The following CDH4 variants were observed in gnomAD, a reference collection of about 807,000 sequenced individuals.
CDH4 encodes cadherin-4.
In CDH4, 33 loss-of-function variants were observed where a neutral mutation model predicts 86.0. That is an observed-to-expected ratio of 0.38 (90% confidence interval 0.29 to 0.51). The LOEUF is 0.51. CDH4 is among the 20% of genes least tolerant of loss of function. CDH4 has a pLI of 0.86. For synonymous variants in CDH4, 555 were observed against 549.4 expected, an observed-to-expected ratio of 1.01 and a Z score of -0.14; for missense variants, 1,114 against 1,307.4, an observed-to-expected ratio of 0.85 and a Z score of 2.28.
intron 3 of CDH4, among the ~76,000 whole-genome samples, chr20:61,753,137 C>T (rs1464909618): frequency 1.3e-5 from 2 of 152,138 alleles, no homozygotes; most frequent in Non-Finnish European, 1.5e-5. Context: ...CAAATGGCCT[C>T]CTTCAAAGCA....
rs141948048 is a variant in CDH4, at chr20:61,569,148, G to A, written c.170-174415G>A. Among the ~76,000 whole-genome samples, 66 of 152,280 alleles carry A rather than the reference G, an allele frequency of 4.3e-4. No homozygotes were observed. In the East Asian group the frequency reaches 0.011, roughly 25 times the overall value. ...TGTGGGTGAGCAACTGGCCTTCCCC[G>A]AACCTTGGTTTTCTCATCTGAAAAA... On this transcript the variant is annotated intron_variant, in intron 2 of 15. Coordinates refer to ENST00000614565, the MANE Select transcript of CDH4 (RefSeq NM_001794.5).
At chr20:61,364,390 C>A (rs1025637020) in intron 2 of CDH4, among the ~76,000 whole-genome samples, 4 of 152,182 alleles carry the variant, frequency 2.6e-5, no homozygotes, top group Admixed American at 2.6e-4. Context: ...CGAGATCAGG[C>A]CCATGAATGT....
intron 2 of CDH4, among the ~76,000 whole-genome samples, chr20:61,456,122 A>G (rs1229719051): frequency 6.6e-6 from 1 of 151,988 alleles, no homozygotes; most frequent in Non-Finnish European, 1.5e-5. Flanking sequence ...ATGGATGGAG[A>G]GTGGATGGAT....
intron 3 of CDH4, among the ~76,000 whole-genome samples, chr20:61,760,103 CTT>C (rs1317453301): frequency 1.3e-5 from 2 of 150,844 alleles, no homozygotes; most frequent in Non-Finnish European, 2.9e-5. Context: ...CACCTGCTCT[CTT>C]GTCAGCCACA....
chr20:61,399,627 G>A (rs2085038894), intron 2 of CDH4, among the ~76,000 whole-genome samples: 2 of 152,142 alleles, frequency 1.3e-5, no homozygotes, highest in Admixed American at 6.5e-5. Context: ...GTTGGTCTAT[G>A]GTGTGTGCCG....
intron 2 of CDH4, among the ~76,000 whole-genome samples, chr20:61,336,827 T>G (rs1400067884): frequency 1.3e-5 from 2 of 152,178 alleles, no homozygotes. Flanking sequence ...GACTGAGACG[T>G]GTTCCTTCCT....
At chr20:61,491,747 T>A (rs963543062) in intron 2 of CDH4, among the ~76,000 whole-genome samples, 1 of 152,288 alleles carries the variant, frequency 6.6e-6, no homozygotes, top group South Asian at 2.1e-4. Context: ...AGTGTTGATG[T>A]TGCTGATGTT....
intron 2 of CDH4, among the ~76,000 whole-genome samples, chr20:61,353,533 G>A (rs1424699784): frequency 2.2e-5 from 3 of 136,558 alleles, no homozygotes; most frequent in African/African-American, 8.2e-5. Flanking sequence ...ATATTCCACA[G>A]CACTGAGAGT....
In CDH4 at chr20:61,359,436, A is replaced by G. The variant is rs973348432; in HGVS notation, c.169+104499A>G. Among the ~76,000 whole-genome samples, 5 of 152,182 alleles carry G rather than the reference A, an allele frequency of 3.3e-5. No homozygotes were observed. In the South Asian group the frequency reaches 1.0e-3, roughly 32 times the overall value. On this transcript the variant is annotated intron_variant, in intron 2 of 15. Transcript: ENST00000614565. ...AGGCTCCCCTGGGAGCACCGCTGTG[A>G]AGCTCCCGACTTCCCCAGCACGCAG...
intron 2 of CDH4, among the ~76,000 whole-genome samples, chr20:61,362,119 G>A (rs2084786581): frequency 6.6e-6 from 1 of 152,200 alleles, no homozygotes; most frequent in South Asian, 2.1e-4. Flanking sequence ...GAGACATTTG[G>A]GCTGAGACCT....
intron 2 of CDH4, among the ~76,000 whole-genome samples, chr20:61,353,344 T>C (rs1324574690): frequency 6.6e-6 from 1 of 151,948 alleles, no homozygotes; most frequent in African/African-American, 2.4e-5. Context: ...GACTAATATT[T>C]CCTCTTCCAT....
Position 61,768,301 on chromosome 20 carries a change from G to A in CDH4, c.397-4702G>A, listed in dbSNP as rs371062935. ...TGTGCATTTGTGCATGTGTGTACAT[G>A]TAGTCATACACCCATACATCTGTGC... On this transcript the variant is annotated intron_variant, in intron 3 of 15. Transcript: ENST00000614565. 1.5e-3 allele frequency among the ~76,000 whole-genome samples: 225 copies of A among 150,414 alleles called. 1 individual carries two copies. The highest frequency in any genetic ancestry group is 0.011 in the South Asian group (54 of 4,828).
intron 4 of CDH4, among the ~76,000 whole-genome samples, chr20:61,806,860 T>G (rs1980167558): frequency 6.6e-6 from 1 of 152,158 alleles, no homozygotes; most frequent in Middle Eastern, 3.2e-3. Flanking sequence ...GTTTTGTGCC[T>G]GTTCCTGTCT....
chr20:61,379,449 A>C (rs1268910442), intron 2 of CDH4, among the ~76,000 whole-genome samples: 1 of 152,134 alleles, frequency 6.6e-6, no homozygotes, highest in Non-Finnish European at 1.5e-5. Context: ...TGACTTTCAC[A>C]GTTATTGAAG....
intron 2 of CDH4, among the ~76,000 whole-genome samples, chr20:61,371,159 T>C (rs1483490348): frequency 2.0e-5 from 3 of 152,220 alleles, no homozygotes; most frequent in Non-Finnish European, 4.4e-5. Context: ...CTCGGAGCCC[T>C]GCAGAAGGCT....
chr20:61,872,818 G>T (rs1351671012), intron 6 of CDH4, among the ~76,000 whole-genome samples: 1 of 152,234 alleles, frequency 6.6e-6, no homozygotes, highest in Admixed American at 6.5e-5. Flanking sequence ...ACAGAGCGGG[G>T]CCTCCACCGG....
At chr20:61,659,336 A>G (rs896961068) in intron 2 of CDH4, among the ~76,000 whole-genome samples, 1 of 152,230 alleles carries the variant, frequency 6.6e-6, no homozygotes, top group Admixed American at 6.5e-5. Flanking sequence ...AGTTTTATAG[A>G]ATGCTCATTT....
At chr20:61,575,458 A>C (rs1021315958) in intron 2 of CDH4, among the ~76,000 whole-genome samples, 2 of 152,198 alleles carry the variant, frequency 1.3e-5, no homozygotes, top group African/African-American at 4.8e-5. Context: ...GTAGTCTATA[A>C]TGGTGGTAGA....
At chr20:61,462,082 G>T (rs1246960143) in intron 2 of CDH4, among the ~76,000 whole-genome samples, 1 of 152,224 alleles carries the variant, frequency 6.6e-6, no homozygotes, top group Non-Finnish European at 1.5e-5. Context: ...ATGGTAGCTG[G>T]ATTAATGAAT....
Sources: allele counts gnomAD v4.1 joint callset (sites outside exome capture counted in the v4.1 genomes callset), GRCh38; gene constraint gnomAD v4.1.1; transcripts MANE v1.5; gene names NCBI Gene and HGNC (gene_info 2026-07-23, HGNC 2026-07-21).